Variants in UTP6 observed in about 807,000 individuals in gnomAD.
UTP6 encodes the protein U3 small nucleolar RNA-associated protein 6 homolog.
UTP6 carries 60 observed loss-of-function variants against 96.5 expected under a neutral mutation model. That is an observed-to-expected ratio of 0.62 (90% CI 0.51 to 0.77). The LOEUF (loss-of-function observed/expected upper bound fraction) is 0.77. Ranked by LOEUF, UTP6 falls within the 30% of genes least tolerant of loss-of-function variation. The pLI, the probability that UTP6 is intolerant of heterozygous loss-of-function variation, is 0.00. For synonymous variants in UTP6, 215 were observed against 240.1 expected, an observed-to-expected ratio of 0.90 and a Z score of 0.96; for missense variants, 637 against 706.5, an observed-to-expected ratio of 0.90 and a Z score of 1.12.
At chr17:31,873,563 C>T (rs1256343584) in intron 15 of UTP6, 76 bp from the exon 16 acceptor site, 2 of 1,603,576 alleles carry the variant, frequency 1.2e-6, no homozygotes, top group Non-Finnish European at 8.5e-7. Flanking sequence ...CCCAGAACCA[C>T]CTGAGGCCAC....
intron 2 of UTP6, among the ~76,000 whole-genome samples, chr17:31,896,698 G>A (rs1166022389): frequency 3.3e-5 from 5 of 150,114 alleles, no homozygotes; most frequent in Middle Eastern, 3.2e-3. Flanking sequence ...GTGCAATGGC[G>A]CCATCATGGC....
Position 31,870,875 on chromosome 17 carries a change from G to C in UTP6, c.1496+2503C>G, listed in dbSNP as rs1173109821. ...CTGTCACCAAGGCTGGAGTGTACTA[G>C]CACAAACACGGCTCACTACAGCCTC... is the stretch of plus-strand genomic sequence containing the variant. On this transcript the variant is annotated intron_variant, in intron 16 of 18. Transcript: ENST00000261708. 2.0e-5 allele frequency among the ~76,000 whole-genome samples: 3 copies of C among 151,764 alleles called. No individual in the cohort carries two copies. In the East Asian group the frequency reaches 5.8e-4, roughly 29 times the overall value.
intron 16 of UTP6, among the ~76,000 whole-genome samples, chr17:31,870,538 T>G (rs900439858): frequency 6.6e-6 from 1 of 151,498 alleles, no homozygotes; most frequent in African/African-American, 2.4e-5. Flanking sequence ...GTTTTTTTTT[T>G]TGAGACGGAG....
chr17:31,892,210 G>C (rs943150138), intron 6 of UTP6, 50 bp downstream of exon 6: 1 of 1,585,564 alleles, frequency 6.3e-7, no homozygotes, highest in Non-Finnish European at 8.6e-7. Context: ...AATCCAAAAT[G>C]GCTTGAGTCT....
chr17:31,886,873 AAAG>A (rs559252819), intron 8 of UTP6, among the ~76,000 whole-genome samples: 56 of 152,358 alleles, frequency 3.7e-4, no homozygotes, highest in Non-Finnish European at 7.8e-4. Context: ...ATACAGCGTT[AAAG>A]AATAGTATTT....
chr17:31,872,960 A>G (rs1216391802), intron 16 of UTP6, among the ~76,000 whole-genome samples: 2 of 149,644 alleles, frequency 1.3e-5, no homozygotes, highest in Non-Finnish European at 1.5e-5. Flanking sequence ...AAAATGAAAC[A>G]GTGTATTGGG....
chr17:31,870,759 G>A lies in UTP6; in HGVS notation c.1496+2619C>T, dbSNP rs192993442. Reference sequence around the variant, plus strand: ...AGGATGGTCTCGATCTCCTGACCTCGTGATCCGTCTGCCTCGACCTCCCAA... The same window carrying A: ...AGGATGGTCTCGATCTCCTGACCTCATGATCCGTCTGCCTCGACCTCCCAA... On this transcript the variant is annotated intron_variant, in intron 16 of 18. Coordinates refer to ENST00000261708, the MANE Select transcript of UTP6 (RefSeq NM_018428.3). Among the ~76,000 whole-genome samples, 1,043 of 151,814 alleles carry A rather than the reference G, an allele frequency of 6.9e-3. 10 individuals carry two copies. Among genetic ancestry groups the A allele is most frequent in the Non-Finnish European group, 7.8e-3 (528 of 67,944 alleles).
intron 13 of UTP6, among the ~76,000 whole-genome samples, chr17:31,875,686 G>A (rs1910460405): frequency 6.6e-6 from 1 of 152,016 alleles, no homozygotes; most frequent in African/African-American, 2.4e-5. Context: ...AGCTGGGTGT[G>A]GTGGTATGCA....
At chr17:31,875,549 G>C in intron 13 of UTP6, 136 bp from the exon 14 acceptor site, 1 of 1,047,582 alleles carries the variant, frequency 9.5e-7, no homozygotes, top group Non-Finnish European at 1.3e-6. Flanking sequence ...AAGAGGCCAG[G>C]TGTGGTGGCT....
intron 6 of UTP6, among the ~76,000 whole-genome samples, chr17:31,891,517 T>TG (rs144437002): frequency 0.018 from 2,736 of 152,268 alleles, 34 homozygotes; most frequent in African/African-American, 0.029. Context: ...GAATAGGTGC[T>TG]GAGGCCCCTC....
chr17:31,891,954 C>T (rs1219494507), intron 6 of UTP6, among the ~76,000 whole-genome samples: 2 of 152,192 alleles, frequency 1.3e-5, no homozygotes, highest in East Asian at 1.9e-4. Flanking sequence ...ACCTGGGAGG[C>T]GGAGGTTGCA....
Position 31,873,766 on chromosome 17 carries a change from T to C in UTP6, c.1306-13A>G, listed in dbSNP as rs750599769. The C allele has an allele frequency of 6.2e-7, 1 of 1,600,668 alleles. No homozygotes were observed. The highest frequency in any genetic ancestry group is 1.1e-5 in the South Asian group (1 of 88,844). On this transcript the variant is annotated splice_polypyrimidine_tract_variant and intron_variant, in intron 14 of 18. Transcript: ENST00000261708. Reference sequence around the variant, plus strand: ...ATGGCAGACAAACCTACTCCCAGTTTAAAAAATGTTAGTTAGAGAACAGCA... The same window carrying C: ...ATGGCAGACAAACCTACTCCCAGTTCAAAAAATGTTAGTTAGAGAACAGCA...
intron 4 of UTP6, among the ~76,000 whole-genome samples, chr17:31,893,523 G>A (rs7213773): frequency 0.099 from 14,915 of 151,066 alleles, 1,377 homozygotes; most frequent in African/African-American, 0.25. Context: ...CCTGAGGTCA[G>A]GAGTTTGAGA....
At chr17:31,873,872 G>T in intron 14 of UTP6, 119 bp from the exon 15 acceptor site, 1 of 1,138,514 alleles carries the variant, frequency 8.8e-7, no homozygotes, top group Admixed American at 2.9e-5. Flanking sequence ...TGACAGTTTA[G>T]TCCTATGCTC....
intron 2 of UTP6, among the ~76,000 whole-genome samples, chr17:31,897,243 A>T (rs962310223): frequency 1.3e-5 from 2 of 151,886 alleles, no homozygotes; most frequent in Admixed American, 6.6e-5. Context: ...TGCTCGCACC[A>T]TTGCACTCCA....
chr17:31,901,426 G>A (rs1904972845), intron 1 of UTP6, 110 bp downstream of exon 1: 3 of 1,009,016 alleles, frequency 3.0e-6, no homozygotes, highest in African/African-American at 3.2e-5. Flanking sequence ...CTTCCACCAC[G>A]TTAGGAAAAG....
chr17:31,884,829 G>A (rs949319173), intron 9 of UTP6: 18 of 204,544 alleles, frequency 8.8e-5, no homozygotes, highest in Non-Finnish European at 1.5e-4. Context: ...CAAGGCAGGA[G>A]GATCACTTGA....
intron 7 of UTP6, among the ~76,000 whole-genome samples, chr17:31,888,592 G>A (rs946941942): frequency 9.2e-5 from 14 of 152,134 alleles, no homozygotes; most frequent in Admixed American, 2.0e-4. Context: ...CTACTCAGGA[G>A]GCTGAGGCAG....
At chr17:31,877,051 C>A (rs1434673325) in intron 13 of UTP6, among the ~76,000 whole-genome samples, 1 of 152,072 alleles carries the variant, frequency 6.6e-6, no homozygotes, top group African/African-American at 2.4e-5. Context: ...AATCAATCCA[C>A]AAAATCAGTA....
Sources: allele counts gnomAD v4.1 joint callset (sites outside exome capture counted in the v4.1 genomes callset), GRCh38; gene constraint gnomAD v4.1.1; transcripts MANE v1.5; gene names NCBI Gene and HGNC (gene_info 2026-07-23, HGNC 2026-07-21).